The following NBPF9 variants were observed in gnomAD, a reference collection of about 807,000 sequenced individuals.
The protein encoded by NBPF9 is NBPF family member NBPF9.
In NBPF9, 91 loss-of-function variants were observed where a neutral mutation model predicts 97.8. That is an observed-to-expected ratio of 0.93 (90% CI 0.79 to 1.11). The LOEUF (loss-of-function observed/expected upper bound fraction) is 1.11. Among genes scored for constraint, NBPF9 ranks in the 50% least tolerant of loss-of-function variants. NBPF9 has a pLI of 0.00. For synonymous variants in NBPF9, 334 were observed against 359.5 expected (o/e 0.93, Z 0.80); for missense variants, 992 against 939.5 (o/e 1.06, Z -0.73).
exon 16 of NBPF9, chr1:149,070,994 A>T: frequency 6.2e-7 from 1 of 1,612,390 alleles, no homozygotes; most frequent in Admixed American, 1.7e-5. Flanking sequence ...ATGAGAGTTG[A>T]GTCGACTTTG....
At chr1:149,074,344 C>A (rs2079670137) in intron 12 of NBPF9, among the ~76,000 whole-genome samples, 1 of 151,318 alleles carries the variant, frequency 6.6e-6, no homozygotes, top group Non-Finnish European at 1.5e-5. Flanking sequence ...ATTTTTAAAT[C>A]ATATCTTCAG....
At chr1:149,075,267 C>T (rs587736686) in intron 12 of NBPF9, among the ~76,000 whole-genome samples, 1 of 152,256 alleles carries the variant, frequency 6.6e-6, no homozygotes, top group East Asian at 1.9e-4. Flanking sequence ...TCAACAGAAA[C>T]TTGAACTGAA....
In NBPF9 at chr1:149,076,541, C is replaced by T. The variant is rs1222992185; in HGVS notation, c.778+667G>A. Among the ~76,000 whole-genome samples, 3 of 147,440 alleles carry T rather than the reference C, an allele frequency of 2.0e-5. No individual in the cohort carries two copies. In the Admixed American group the frequency reaches 2.0e-4, roughly 10 times the overall value. ...TTTTTGAGATGGAGTCTCGCTCTGT[C>T]TCCCAGGCTGGAGTGCAGTGGCACA... is the stretch of plus-strand genomic sequence containing the variant. On this transcript the variant is annotated intron_variant, in intron 11 of 29. Coordinates refer to ENST00000584027, the Ensembl canonical transcript of NBPF9.
intron 4 of NBPF9, among the ~76,000 whole-genome samples, chr1:149,093,439 G>T (rs1698661): frequency 1.3e-5 from 2 of 151,768 alleles, no homozygotes; most frequent in Non-Finnish European, 2.9e-5. Context: ...TATGGGTGTC[G>T]GGCTGGGGGA....
chr1:149,070,317 T>C (rs587722387), intron 16 of NBPF9, among the ~76,000 whole-genome samples: 3 of 63,346 alleles, frequency 4.7e-5, no homozygotes, highest in South Asian at 1.6e-3. Context: ...CAAGACTCCA[T>C]CGCAAAAAAA....
chr1:149,056,051 T>C (rs587681791), intron 29 of NBPF9, among the ~76,000 whole-genome samples, 152 bp from the exon 30 acceptor site: 1 of 151,710 alleles, frequency 6.6e-6, no homozygotes, highest in Admixed American at 6.6e-5. Context: ...TGCCTTTATG[T>C]TGGGATAGAA....
chr1:149,101,257 C>T lies in NBPF9; in HGVS notation c.-606+5G>A, dbSNP rs1395126124. 1 of 149,514 alleles carries T rather than the reference C, an allele frequency of 6.7e-6. No individual in the cohort carries two copies. The highest frequency in any genetic ancestry group is 6.7e-5 in the Admixed American group (1 of 15,016). The allele number at this position is 149,514 out of a possible 1,614,324, so 9.3% of individuals were successfully genotyped here. ...CAGAAAAGAGCTGAGTGTGGTGGTGCTCACCTGTAGGTCCCAGCTACTTGG... is the reference window on the plus strand; with the variant it reads ...CAGAAAAGAGCTGAGTGTGGTGGTGTTCACCTGTAGGTCCCAGCTACTTGG... On this transcript the variant is annotated splice_donor_5th_base_variant and intron_variant, in intron 3 of 29. Coordinates refer to ENST00000584027, the Ensembl canonical transcript of NBPF9.
intron 11 of NBPF9, among the ~76,000 whole-genome samples, chr1:149,076,941 T>G (rs1177729234): frequency 1.3e-5 from 2 of 150,452 alleles, no homozygotes; most frequent in Admixed American, 6.7e-5. Context: ...ACTATAGGCA[T>G]GCAGCACCAT....
chr1:149,077,487 T>C (rs1559531789), intron 10 of NBPF9, 68 bp from the exon 11 acceptor site: 1 of 1,600,734 alleles, frequency 6.2e-7, no homozygotes, highest in Non-Finnish European at 8.5e-7. Context: ...CAGGGAGTAC[T>C]AGCTGGTTTT....
In NBPF9 at chr1:149,075,632, G is replaced by C. The variant is rs782411154; in HGVS notation, c.988+23C>G. On this transcript the variant is annotated intron_variant, in intron 12 of 29. Transcript: ENST00000584027. ...ACAGGACGTCGTTCATCACTTTCGT[G>C]ATGGTGAGCCTATAGATCTTACTGT... 424 of 1,603,896 alleles carry C rather than the reference G, an allele frequency of 2.6e-4. 3 individuals are homozygous for C. The highest frequency in any genetic ancestry group is 3.5e-4 in the Non-Finnish European group (414 of 1,172,506).
At chr1:149,060,067 T>A in intron 24 of NBPF9, 1 of 316,790 alleles carries the variant, frequency 3.2e-6, no homozygotes, top group East Asian at 4.0e-5. Flanking sequence ...TGCAAACAGT[T>A]ATGCCATATT....
intron 7 of NBPF9, among the ~76,000 whole-genome samples, chr1:149,081,508 GCTA>G (rs1247935087): frequency 2.6e-5 from 4 of 151,498 alleles, no homozygotes; most frequent in African/African-American, 9.7e-5. Flanking sequence ...GCAGGTACTG[GCTA>G]CTATCACCAA....
At chr1:149,071,086 C>T in exon 16 of NBPF9, 6 of 1,610,276 alleles carry the variant, frequency 3.7e-6, no homozygotes, top group Non-Finnish European at 4.2e-6. Context: ...AGTGATGGCA[C>T]ATTCCTCCAG....
intron 11 of NBPF9, among the ~76,000 whole-genome samples, chr1:149,076,720 G>A (rs1222164468): frequency 3.4e-5 from 5 of 148,642 alleles, no homozygotes; most frequent in African/African-American, 9.8e-5. Flanking sequence ...GTGTTAGCCA[G>A]GATGGTCTCA....
intron 14 of NBPF9, among the ~76,000 whole-genome samples, chr1:149,072,110 G>T (rs1314426450): frequency 6.7e-6 from 1 of 149,910 alleles, no homozygotes; most frequent in Non-Finnish European, 1.5e-5. Flanking sequence ...CCTCCAAGTG[G>T]CTTCTGCTGT....
Position 149,067,536 on chromosome 1 carries a change from C to T in NBPF9, c.1638-1847G>A, listed in dbSNP as rs1161618297. Among the ~76,000 whole-genome samples, 18 of 145,418 alleles carry T rather than the reference C, an allele frequency of 1.2e-4. No individual in the cohort carries two copies. The South Asian group carries it at 1.8e-3, about 15-fold the overall frequency. ...CCATGTGTTCTCATTGTTCAATTCCCACCTGTGAGTAAGAACATGCGGTAT... is the reference window on the plus strand; with the variant it reads ...CCATGTGTTCTCATTGTTCAATTCCTACCTGTGAGTAAGAACATGCGGTAT... On this transcript the variant is annotated intron_variant, in intron 17 of 29. Transcript: ENST00000584027.
rs1453744177 is a variant in NBPF9, at chr1:149,062,114, C to G, written c.2230G>C (p.Gly744Arg). Residue 744 changes from glycine to arginine, a missense_variant, in exon 22 of 30, where the codon GGC becomes CGC. This residue lies in a region of NBPF9 where 397 missense variants were observed against 213.6 expected (regional missense o/e 1.86). Coordinates refer to ENST00000584027, the Ensembl canonical transcript of NBPF9. ...TCACTGTCCAAGTCAAGAGCCAAGC[C>G]AAGGTACTGTTCCTCCAATGAGTAA... 9 of 1,180,580 alleles carry G rather than the reference C, an allele frequency of 7.6e-6. No homozygotes were observed. The South Asian group carries it at 1.1e-4, about 15-fold the overall frequency. The allele number at this position is 1,180,580 out of a possible 1,614,324, so 73.1% of individuals were successfully genotyped here.
chr1:149,072,886 A>G (rs781812550), exon 14 of NBPF9: 4 of 1,606,696 alleles, frequency 2.5e-6, no homozygotes, highest in Admixed American at 3.3e-5. Flanking sequence ...TTCTCCCTTA[A>G]CTGGGTCAGC....
chr1:149,063,509 G>A (rs1344212407), intron 20 of NBPF9, 124 bp downstream of exon 20: 3 of 700,886 alleles, frequency 4.3e-6, no homozygotes, highest in African/African-American at 3.7e-5. Flanking sequence ...CAACGTACAT[G>A]TGCCTATAGG....
Sources: gnomAD v4.1 joint callset for allele counts (sites outside exome capture counted in the v4.1 genomes callset) on GRCh38, gnomAD v4.1.1 for gene constraint, gnomAD v4.1.1 regional missense constraint, MANE v1.5 for transcripts, NCBI Gene and HGNC (gene_info 2026-07-23, HGNC 2026-07-21) for gene names.